CDC27: variants seen among roughly 807,000 people sequenced by gnomAD.
CDC27 encodes cell division cycle 27.
In CDC27, 27 loss-of-function variants were observed where a neutral mutation model predicts 109.7. That is an observed-to-expected ratio of 0.25 (90% CI 0.18 to 0.34). The LOEUF (loss-of-function observed/expected upper bound fraction) is 0.34, where lower values mean the gene tolerates loss of function less well. Among genes scored for constraint, CDC27 ranks in the 10% least tolerant of loss-of-function variants. CDC27 has a pLI of 1.00. For missense variants in CDC27, 579 were observed against 960.2 expected, an observed-to-expected ratio of 0.60 and a Z score of 5.25; for synonymous variants, 266 against 333.9, an observed-to-expected ratio of 0.80 and a Z score of 2.22.
intron 14 of CDC27, among the ~76,000 whole-genome samples, chr17:47,133,922 T>G (rs1652466773): frequency 6.6e-6 from 1 of 152,156 alleles, no homozygotes; most frequent in African/African-American, 2.4e-5. Flanking sequence ...CTAATTTTCT[T>G]GTATTTTTAG....
chr17:47,138,620 G>C (rs1341428688), intron 13 of CDC27, 119 bp downstream of exon 13: 3 of 655,006 alleles, frequency 4.6e-6, no homozygotes, highest in Non-Finnish European at 7.8e-6. Context: ...AGAGAGAGAG[G>C]AAAAAAAAGA....
intron 16 of CDC27, among the ~76,000 whole-genome samples, chr17:47,127,533 G>A (rs2062182516): frequency 6.6e-6 from 1 of 151,860 alleles, no homozygotes; most frequent in African/African-American, 2.4e-5. Flanking sequence ...CTCCCAGGTA[G>A]CTGGGATTAC....
chr17:47,147,275 T>C (rs2062990120), intron 9 of CDC27, among the ~76,000 whole-genome samples: 1 of 151,590 alleles, frequency 6.6e-6, no homozygotes, highest in African/African-American at 2.4e-5. Flanking sequence ...GGCGCGCGCC[T>C]GTAGTCCCAG....
intron 4 of CDC27, among the ~76,000 whole-genome samples, chr17:47,168,230 G>A (rs1243371823): frequency 2.0e-5 from 3 of 152,048 alleles, no homozygotes; most frequent in African/African-American, 7.2e-5. Flanking sequence ...CTCACCTCCT[G>A]GGAGGTTGCG....
At chr17:47,171,742 T>C (rs544791770) in intron 3 of CDC27, among the ~76,000 whole-genome samples, 175 bp downstream of exon 3, 40 of 152,250 alleles carry the variant, frequency 2.6e-4, no homozygotes, top group Non-Finnish European at 5.3e-4. Flanking sequence ...ACCATAACAA[T>C]GAAATCTCCA....
Position 47,137,174 on chromosome 17 carries a change from T to C in CDC27, c.1891A>G (p.Asn631Asp), listed in dbSNP as rs2062637117. ...TACCATGCATTATAATGTCTAGGATTGACTCTGATAGCATTTCGAAAACAA... is the reference window on the plus strand; with the variant it reads ...TACCATGCATTATAATGTCTAGGATCGACTCTGATAGCATTTCGAAAACAA... ...LACFRNAIRV[N>D]PRHYNAWYGL... is the part of the protein sequence containing the mutation. Residue 631 changes from asparagine (N) to aspartate (D), a missense_variant, in exon 14 of 19, where the codon AAT becomes GAT. Asn to Asp is a conservative substitution (Grantham distance 23, BLOSUM62 1). This residue lies in a region of CDC27 where 227 missense variants were observed against 363.6 expected (regional missense o/e 0.62). Transcript: ENST00000066544. The C allele has an allele frequency of 6.2e-7, 1 of 1,606,592 alleles. No individual in the cohort carries two copies. The highest frequency in any genetic ancestry group is 8.5e-7 in the Non-Finnish European group (1 of 1,176,340).
intron 10 of CDC27, among the ~76,000 whole-genome samples, chr17:47,143,476 C>T (rs1406977404): frequency 1.3e-5 from 2 of 151,966 alleles, no homozygotes; most frequent in Non-Finnish European, 2.9e-5. Context: ...AATTTTATCA[C>T]GTGAATGGAT....
chr17:47,183,645 T>C (rs2064323865), intron 1 of CDC27, among the ~76,000 whole-genome samples: 1 of 152,214 alleles, frequency 6.6e-6, no homozygotes, highest in Non-Finnish European at 1.5e-5. Context: ...TCCTTTGTAA[T>C]ACTTCCCACT....
At chr17:47,153,824 T>C (rs565858655) in intron 8 of CDC27, among the ~76,000 whole-genome samples, 7 of 152,282 alleles carry the variant, frequency 4.6e-5, no homozygotes, top group South Asian at 4.1e-4. Context: ...GACTCATGTT[T>C]ATAATCCTAG....
chr17:47,120,628 C>A lies in CDC27; in HGVS notation c.*307G>T. 4.2e-6 allele frequency: 1 copy of A among 240,666 alleles called. No homozygotes were observed. The highest frequency in any genetic ancestry group is 1.2e-4 in the South Asian group (1 of 8,380). 14.9% of individuals were successfully genotyped at this position (240,666 alleles called of 1,614,324 possible). ...ATCTAATGGTTCCTTCAAGATAAAG[C>A]ATAACTCTTCCTTTCATGATACTTT... On this transcript the variant is annotated 3_prime_UTR_variant, in exon 19 of 19. Coordinates refer to ENST00000066544, the MANE Select transcript of CDC27 (RefSeq NM_001256.6).
intron 1 of CDC27, among the ~76,000 whole-genome samples, chr17:47,182,284 T>C (rs2149006111): frequency 6.6e-6 from 1 of 152,324 alleles, no homozygotes; most frequent in East Asian, 1.9e-4. Context: ...TGAATATATG[T>C]TTTCTCTTTT....
chr17:47,162,079 C>T (rs2063513590), intron 4 of CDC27: 1 of 152,118 alleles, frequency 6.6e-6, no homozygotes, highest in Admixed American at 6.5e-5. Context: ...TCTGTTCTTT[C>T]TCTTTCTTTC....
intron 8 of CDC27, among the ~76,000 whole-genome samples, chr17:47,152,295 G>A (rs761533993): frequency 1.3e-5 from 2 of 151,884 alleles, no homozygotes; most frequent in Admixed American, 1.3e-4. Context: ...CAAGATTTAT[G>A]ATTTATCTCA....
At chr17:47,128,092 G>A (rs572012547) in intron 16 of CDC27, among the ~76,000 whole-genome samples, 32 of 152,148 alleles carry the variant, frequency 2.1e-4, no homozygotes, top group South Asian at 8.3e-4. Context: ...ATGCAGTGGC[G>A]TAATCTTGGC....
At chr17:47,159,474 C>T (rs2063423982) in intron 4 of CDC27, 2 of 592,562 alleles carry the variant, frequency 3.4e-6, no homozygotes, top group Non-Finnish European at 5.7e-6. Context: ...GCCCGTGCTC[C>T]TGGGGGTGCG....
chr17:47,121,181 C>G (rs1035411402), intron 18 of CDC27, among the ~76,000 whole-genome samples, 164 bp from the exon 19 acceptor site: 2 of 152,056 alleles, frequency 1.3e-5, no homozygotes, highest in Non-Finnish European at 1.5e-5. Flanking sequence ...CTCAAGTTTC[C>G]TAACTTTATA....
intron 14 of CDC27, among the ~76,000 whole-genome samples, chr17:47,133,403 G>T (rs1467359105): frequency 7.1e-6 from 1 of 140,650 alleles, no homozygotes; most frequent in African/African-American, 2.7e-5. Flanking sequence ...CTCCCAAAGT[G>T]CTGGGACTAC....
At chr17:47,188,624 G>A in intron 1 of CDC27, 1 of 442,794 alleles carries the variant, frequency 2.3e-6, no homozygotes, top group African/African-American at 2.1e-5. Context: ...CACCGAGAAA[G>A]GAAACGTGGG....
At chr17:47,140,087 A>T (rs1479955543) in intron 12 of CDC27, 1 of 152,218 alleles carries the variant, frequency 6.6e-6, no homozygotes, top group African/African-American at 2.4e-5. Context: ...AGAGCATTTT[A>T]AAACTGAGTG....
Sources: allele counts gnomAD v4.1 joint callset (sites outside exome capture counted in the v4.1 genomes callset), GRCh38; gene constraint gnomAD v4.1.1; regional missense constraint gnomAD v4.1.1; transcripts MANE v1.5; gene names NCBI Gene and HGNC (gene_info 2026-07-23, HGNC 2026-07-21).